Variants in PLCH2 observed in about 807,000 individuals in gnomAD.
PLCH2 encodes phospholipase C eta 2.
In PLCH2, 98 loss-of-function variants were observed where a neutral mutation model predicts 134.7. The ratio of observed to expected loss-of-function variants is 0.73; its 90% confidence interval spans 0.62 to 0.86. The LOEUF (loss-of-function observed/expected upper bound fraction) is 0.86, where lower values mean the gene tolerates loss of function less well. PLCH2 is among the 40% of genes least tolerant of loss of function. The pLI, the probability that PLCH2 is intolerant of heterozygous loss-of-function variation, is 0.00. For missense variants in PLCH2, 1,994 were observed against 1,986.6 expected (o/e 1.00, Z -0.07); for synonymous variants, 974 against 827.5 (o/e 1.18, Z -3.04).
intron 2 of PLCH2, among the ~76,000 whole-genome samples, chr1:2,442,935 G>T (rs60869548): frequency 6.6e-6 from 1 of 152,184 alleles, no homozygotes; most frequent in Non-Finnish European, 1.5e-5. Context: ...GCAGCAGAGC[G>T]GGGAACCGAC....
rs1285199783 is a variant in PLCH2 at position 2,498,911 on chromosome 1, C to T, written c.2434+83C>T. 2.0e-5 allele frequency: 27 copies of T among 1,341,658 alleles called. No homozygotes were observed. The highest frequency in any genetic ancestry group is 1.2e-4 in the East Asian group (5 of 40,108). The allele number at this position is 1,341,658 out of a possible 1,614,324, so 83.1% of individuals were successfully genotyped here. Reference sequence around the variant, plus strand: ...GGGGCTACCTGGTGTGCCCGGGTGCCCTGCCCAGGCCTCCCTCAGTGACAG... The same window carrying T: ...GGGGCTACCTGGTGTGCCCGGGTGCTCTGCCCAGGCCTCCCTCAGTGACAG... On this transcript the variant is annotated intron_variant, in intron 18 of 21. Transcript: ENST00000378486. This position sits in a 1 kb window ranked among gnomAD's most constrained non-coding sequence, Gnocchi z 5.4.
chr1:2,468,588 G>A (rs1459666119), intron 1 of PLCH2, among the ~76,000 whole-genome samples: 2 of 152,210 alleles, frequency 1.3e-5, no homozygotes, highest in Non-Finnish European at 2.9e-5. Flanking sequence ...AAAACGTGAA[G>A]GGGGACAGTG....
At chr1:2,432,073 T>C (rs1409453199) in intron 2 of PLCH2, among the ~76,000 whole-genome samples, 5 of 152,166 alleles carry the variant, frequency 3.3e-5, no homozygotes, top group African/African-American at 1.2e-4. Context: ...GTATGGAGCC[T>C]CGTGCATTTA....
chr1:2,422,627 A>G (rs1638576311), upstream of PLCH2, among the ~76,000 whole-genome samples: 1 of 152,158 alleles, frequency 6.6e-6, no homozygotes, highest in African/African-American at 2.4e-5. Context: ...TTGTTACATT[A>G]TCATCTGTTG....
chr1:2,481,076 G>A (rs1465408435), intron 4 of PLCH2, among the ~76,000 whole-genome samples: 4 of 152,170 alleles, frequency 2.6e-5, no homozygotes, highest in Non-Finnish European at 5.9e-5. Context: ...ATACACATAT[G>A]CACACAGGCA....
intron 2 of PLCH2, among the ~76,000 whole-genome samples, chr1:2,430,925 T>C (rs1379496614): frequency 6.6e-6 from 1 of 152,192 alleles, no homozygotes; most frequent in Non-Finnish European, 1.5e-5. Context: ...GCCCACCTGC[T>C]GCACTGGGGG....
At position 2,435,655 on chromosome 1, in the gene PLCH2, C is replaced by T. The variant is rs189753752; in HGVS notation, c.115+5026C>T. On this transcript the variant is annotated intron_variant, in intron 2 of 3. Transcript: ENST00000609981. ...GTGACACGGCTCTCAGAGCCCACAG[C>T]ACGCCTGGCCTGTTGTGATCTCCAG... Among the ~76,000 whole-genome samples, 551 of 152,194 alleles carry T rather than the reference C, an allele frequency of 3.6e-3. 2 individuals carry two copies. The highest frequency in any genetic ancestry group is 0.013 in the African/African-American group (530 of 41,502).
intron 2 of PLCH2, among the ~76,000 whole-genome samples, chr1:2,433,916 G>A (rs540577145): frequency 1.3e-5 from 2 of 152,224 alleles, no homozygotes; most frequent in Non-Finnish European, 2.9e-5. Flanking sequence ...CCCTTCAAAC[G>A]TTTGAATTTT....
At chr1:2,445,430 G>A (rs1383342094) in intron 2 of PLCH2, among the ~76,000 whole-genome samples, 1 of 152,184 alleles carries the variant, frequency 6.6e-6, no homozygotes, top group Admixed American at 6.5e-5. Flanking sequence ...TGGTGGGAGT[G>A]TCTGCTGGAC....
chr1:2,475,779 T>C (rs1225447875), upstream of PLCH2, among the ~76,000 whole-genome samples: 1 of 152,180 alleles, frequency 6.6e-6, no homozygotes, highest in African/African-American at 2.4e-5. Context: ...CAACCCAGGC[T>C]CAGGGACCCA....
chr1:2,427,761 C>T (rs1353073505), intron 1 of PLCH2, among the ~76,000 whole-genome samples: 1 of 152,124 alleles, frequency 6.6e-6, no homozygotes, highest in Non-Finnish European at 1.5e-5. Flanking sequence ...GAAACAGAAG[C>T]AGCCGGCGAG....
chr1:2,436,319 T>C (rs1470773318), intron 2 of PLCH2, among the ~76,000 whole-genome samples: 1 of 19,092 alleles, frequency 5.2e-5, no homozygotes, highest in African/African-American at 2.8e-4. Flanking sequence ...CCTCCCTTCC[T>C]CCCTCCTCCC....
chr1:2,495,458 C>G (rs532371447), intron 12 of PLCH2, 30 bp from the exon 13 acceptor site: 1 of 1,546,114 alleles, frequency 6.5e-7, no homozygotes, highest in African/African-American at 1.4e-5. Flanking sequence ...GCCAGAGGCC[C>G]TACAGCTCAC....
Position 2,496,810 on chromosome 1 carries a change from C to T in PLCH2, c.1934-18C>T, listed in dbSNP as rs370929501. Reference sequence around the variant, plus strand: ...GGTCGAGGACTGGCAGTCTGATGCCCGGTCACCGGCGCCACAGCGGCGTCC... The same window carrying T: ...GGTCGAGGACTGGCAGTCTGATGCCTGGTCACCGGCGCCACAGCGGCGTCC... On this transcript the variant is annotated intron_variant, in intron 14 of 21. Transcript: ENST00000378486. 64 of 1,610,490 alleles carry T rather than the reference C, an allele frequency of 4.0e-5. No individual in the cohort carries two copies. The highest frequency in any genetic ancestry group is 1.6e-4 in the Middle Eastern group (1 of 6,076).
At chr1:2,497,154 G>T in intron 15 of PLCH2, 144 bp downstream of exon 15, 1 of 815,504 alleles carries the variant, frequency 1.2e-6, no homozygotes, top group Non-Finnish European at 1.9e-6. Flanking sequence ...CACCTCTGTG[G>T]CATGCTGCCG....
intron 2 of PLCH2, among the ~76,000 whole-genome samples, chr1:2,433,464 C>T (rs1639167242): frequency 6.6e-6 from 1 of 150,926 alleles, no homozygotes; most frequent in Non-Finnish European, 1.5e-5. Context: ...GGGTTCAGGG[C>T]TGCTGGAGTA....
chr1:2,418,336 T>C, the PLCH2 span, among the ~76,000 whole-genome samples: 1 of 152,150 alleles, frequency 6.6e-6, no homozygotes, highest in Non-Finnish European at 1.5e-5. Context: ...GGGGGTGTTT[T>C]AGTTATCAAA....
chr1:2,455,390 T>A (rs1640441352), intron 2 of PLCH2, among the ~76,000 whole-genome samples: 2 of 152,216 alleles, frequency 1.3e-5, no homozygotes, highest in South Asian at 4.1e-4. Context: ...TCCCTCGGTG[T>A]GGGTCCCCAA....
chr1:2,459,362 TGGTGGTCCTCCTTGCC>T (rs1159962332), intron 2 of PLCH2, among the ~76,000 whole-genome samples: 11 of 144,768 alleles, frequency 7.6e-5, no homozygotes, highest in Admixed American at 2.7e-4. Flanking sequence ...TTCTCCTTCC[TGGTGGTCCTCCTTGCC>T]GGTGGTCCTC....
Sources: allele counts gnomAD v4.1 joint callset (sites outside exome capture counted in the v4.1 genomes callset), GRCh38; gene constraint gnomAD v4.1.1; non-coding constraint Gnocchi (gnomAD v3.1); transcripts MANE v1.5; gene names NCBI Gene and HGNC (gene_info 2026-07-23, HGNC 2026-07-21).